Variants in ATF2 observed in about 807,000 individuals in gnomAD.
The protein encoded by ATF2 is activating transcription factor 2.
A neutral mutation model predicts 60.6 loss-of-function variants in ATF2; 24 were observed. The observed-to-expected ratio is 0.40, with a 90% CI of 0.29 to 0.56. ATF2 has a LOEUF of 0.56. Ranked by LOEUF, ATF2 falls within the 20% of genes least tolerant of loss-of-function variation. ATF2 has a pLI of 0.54. For missense variants in ATF2, 433 were observed against 607.7 expected (o/e 0.71, Z 3.02); for synonymous variants, 206 against 215.4 (o/e 0.96, Z 0.38).
chr2:175,099,665 T>C (rs1395401888), intron 10 of ATF2, among the ~76,000 whole-genome samples: 1 of 152,220 alleles, frequency 6.6e-6, no homozygotes, highest in Non-Finnish European at 1.5e-5. Context: ...TCACCTGTGT[T>C]GTTGTATTAT....
Position 175,136,433 on chromosome 2 carries a change from T to C in ATF2, c.11A>G (p.Lys4Arg), listed in dbSNP as rs757163479. ...ATACCTGGCAGAATTCACATGTAACTTGAATTTCATAAGTTGAATAACTTA... is the reference window on the plus strand; with the variant it reads ...ATACCTGGCAGAATTCACATGTAACCTGAATTTCATAAGTTGAATAACTTA... MKF[K>R]LHVNSARQYK... The change falls in exon 3 of 14, where the codon AAG becomes AGG. Residue 4 changes from lysine (K) to arginine (R), a missense_variant. By Grantham distance (26) the Lys-to-Arg change is conservative. Around this residue, in one of 5 missense-constraint regions of ATF2, gnomAD observed 20 missense variants for 16.9 expected, o/e 1.19. Transcript: ENST00000264110. 6.2e-6 allele frequency: 10 copies of C among 1,610,064 alleles called. No individual in the cohort carries two copies. The highest frequency in any genetic ancestry group is 1.7e-5 in the Admixed American group (1 of 59,408).
At chr2:175,164,627 TA>T (rs1700231847) in intron 1 of ATF2, among the ~76,000 whole-genome samples, 1 of 152,348 alleles carries the variant, frequency 6.6e-6, no homozygotes, top group Admixed American at 6.5e-5. Context: ...CCTTACTATA[TA>T]ACCTTTTAAC....
At chr2:175,091,162 T>C (rs980537306) in intron 12 of ATF2, among the ~76,000 whole-genome samples, 1 of 152,162 alleles carries the variant, frequency 6.6e-6, no homozygotes, top group African/African-American at 2.4e-5. Context: ...TAAGCCAAAT[T>C]ACAAAGGAAA....
At chr2:175,139,526 G>T (rs62184518) in intron 2 of ATF2, among the ~76,000 whole-genome samples, 1 of 151,990 alleles carries the variant, frequency 6.6e-6, no homozygotes, top group South Asian at 2.1e-4. Context: ...ACAAAAATTA[G>T]TCGGGTGTGG....
chr2:175,111,559 C>T lies in ATF2; in HGVS notation c.828+9G>A, dbSNP rs1253552788. The T allele has an allele frequency of 1.9e-6, 3 of 1,606,186 alleles. No homozygotes were observed. The highest frequency in any genetic ancestry group is 1.3e-5 in the African/African-American group (1 of 74,708). On this transcript the variant is annotated intron_variant, in intron 10 of 13. Transcript: ENST00000264110. The stretch of plus-strand genomic sequence containing the variant: ...AAGCAATGTACAGAACAAATAAAAT[C>T]TGGCTTACCATTTTTGCTTCTGACT...
chr2:175,167,658 C>T, intron 1 of ATF2: 1 of 505,456 alleles, frequency 2.0e-6, no homozygotes, highest in Non-Finnish European at 4.1e-6. Context: ...GGTCTCCCTG[C>T]GCACACGGCT....
chr2:175,148,053 C>A (rs1055210967), intron 2 of ATF2: 5 of 149,130 alleles, frequency 3.4e-5, no homozygotes, highest in African/African-American at 1.2e-4. Flanking sequence ...GACCGGTAGA[C>A]ATTTTCTGTC....
At chr2:175,128,983 C>T (rs1697542859) in intron 4 of ATF2, among the ~76,000 whole-genome samples, 1 of 152,148 alleles carries the variant, frequency 6.6e-6, no homozygotes, top group South Asian at 2.1e-4. Context: ...ATAATCCCAT[C>T]ATTATACTCC....
chr2:175,144,063 G>C (rs1312126098), intron 2 of ATF2, among the ~76,000 whole-genome samples: 1 of 152,016 alleles, frequency 6.6e-6, no homozygotes, highest in Non-Finnish European at 1.5e-5. Context: ...CAAAGTGCTA[G>C]GATTACAGGC....
At chr2:175,127,064 T>A (rs1252462252) in intron 4 of ATF2, 1 of 150,196 alleles carries the variant, frequency 6.7e-6, no homozygotes, top group Non-Finnish European at 1.5e-5. Flanking sequence ...AGATCCTGTA[T>A]CCAAAAAAAA....
At chr2:175,113,893 A>G in intron 9 of ATF2, 101 bp downstream of exon 9, 2 of 965,220 alleles carry the variant, frequency 2.1e-6, no homozygotes, top group Non-Finnish European at 3.3e-6. Context: ...AATCAATATT[A>G]TGTTAAATTC....
chr2:175,128,448 C>T (rs189147918), intron 4 of ATF2, among the ~76,000 whole-genome samples: 150 of 150,932 alleles, frequency 9.9e-4, no homozygotes, highest in African/African-American at 3.4e-3. Flanking sequence ...TGTGGTGAGC[C>T]GAGATTGTGC....
At chr2:175,141,030 A>AATATATATATATATATATATAT (rs1553513531) in intron 2 of ATF2, among the ~76,000 whole-genome samples, 1 of 37,596 alleles carries the variant, frequency 2.7e-5, no homozygotes, top group African/African-American at 1.2e-4. Context: ...AAAAAAAAAA[A>AATATATATATATATATATATAT]ATATATATAT....
At chr2:175,155,217 CT>C (rs1309354957) in intron 1 of ATF2, among the ~76,000 whole-genome samples, 1 of 152,204 alleles carries the variant, frequency 6.6e-6, no homozygotes, top group African/African-American at 2.4e-5. Context: ...CATTCTCCCA[CT>C]TTTCACAAGA....
At chr2:175,087,399 A>ACCG (rs142535039) in intron 12 of ATF2, among the ~76,000 whole-genome samples, 6,072 of 152,184 alleles carry the variant, frequency 0.04, 390 homozygotes, top group African/African-American at 0.14. Context: ...TATCTCTACC[A>ACCG]CCGCTCCACT....
chr2:175,154,554 T>C (rs934760848), intron 1 of ATF2, among the ~76,000 whole-genome samples: 1 of 152,088 alleles, frequency 6.6e-6, no homozygotes, highest in South Asian at 2.1e-4. Flanking sequence ...AGTAACATCA[T>C]TGTTTATCAA....
At chr2:175,156,719 T>C (rs1460917572) in intron 1 of ATF2, among the ~76,000 whole-genome samples, 1 of 152,134 alleles carries the variant, frequency 6.6e-6, no homozygotes, top group African/African-American at 2.4e-5. Flanking sequence ...CCCTAGAGAC[T>C]CCAAAAAGGA....
At chr2:175,083,482 C>G (rs940663002) in intron 12 of ATF2, among the ~76,000 whole-genome samples, 3 of 152,108 alleles carry the variant, frequency 2.0e-5, no homozygotes, top group Non-Finnish European at 4.4e-5. Context: ...CTTACTTATA[C>G]AAAAATTAAC....
intron 2 of ATF2, among the ~76,000 whole-genome samples, chr2:175,149,686 G>A (rs563506643): frequency 4.9e-4 from 74 of 152,256 alleles, no homozygotes; most frequent in Non-Finnish European, 8.2e-4. Context: ...GCAGCTCACA[G>A]GATAGTCTCA....
Sources: gnomAD v4.1 joint callset for allele counts (sites outside exome capture counted in the v4.1 genomes callset) on GRCh38, gnomAD v4.1.1 for gene constraint, gnomAD v4.1.1 regional missense constraint, MANE v1.5 for transcripts, NCBI Gene and HGNC (gene_info 2026-07-23, HGNC 2026-07-21) for gene names.